OSBPL10: variants seen among roughly 807,000 people sequenced by gnomAD.
OSBPL10 encodes the protein oxysterol binding protein like 10.
In OSBPL10, 49 loss-of-function variants were observed where a neutral mutation model predicts 81.7. That is an observed-to-expected ratio of 0.60 (90% CI 0.48 to 0.76). The LOEUF is 0.76. Among genes scored for constraint, OSBPL10 ranks in the 30% least tolerant of loss-of-function variants. The pLI is 0.00. For synonymous variants in OSBPL10, 419 were observed against 383.6 expected (o/e 1.09, Z -1.08); for missense variants, 923 against 987.8 (o/e 0.93, Z 0.88).
chr3:32,041,260 A>G (rs1004105473), intron 2 of OSBPL10, among the ~76,000 whole-genome samples: 34 of 152,216 alleles, frequency 2.2e-4, no homozygotes, highest in Non-Finnish European at 4.3e-4. Context: ...AATGTCTCAA[A>G]AGGAAAAGTA....
Position 31,809,869 on chromosome 3 carries a change from C to CTTTTTTTTTTTTTTTT in OSBPL10, c.729+20155_729+20170dup, listed in dbSNP as rs34795137. ...AAATGTCAATGGGTGCCCCCTGACTCTTTTTTTTTTTTTTTTTTTGAGATG... is the reference window on the plus strand; with the variant it reads ...AAATGTCAATGGGTGCCCCCTGACTCTTTTTTTTTTTTTTTTTTTTTTTTTTTTTTTTTTTGAGATG... On this transcript the variant is annotated intron_variant, in intron 4 of 11. Coordinates refer to ENST00000396556, the MANE Select transcript of OSBPL10 (RefSeq NM_017784.5). 9.6e-4 allele frequency among the ~76,000 whole-genome samples: 95 copies of CTTTTTTTTTTTTTTTT among 98,614 alleles called. 5 individuals carry two copies. The highest frequency in any genetic ancestry group is 4.7e-3 in the African/African-American group (87 of 18,418). The allele number at this position is 98,614 out of a possible 152,430, so 64.7% of individuals were successfully genotyped here. A position where few individuals can be genotyped will look rare whatever the true frequency, so the allele number is the denominator to read the frequency against.
At chr3:31,986,111 T>A (rs975313696), upstream of OSBPL10, 6 of 152,238 alleles carry the variant, frequency 3.9e-5, no homozygotes, top group Non-Finnish European at 8.8e-5. Context: ...TTTCCTGTTA[T>A]ATTTTTATGC....
chr3:31,803,510 C>T (rs979738610), intron 4 of OSBPL10, among the ~76,000 whole-genome samples: 1 of 152,192 alleles, frequency 6.6e-6, no homozygotes, highest in African/African-American at 2.4e-5. Context: ...TTTGGACTTA[C>T]AGAGATGTTG....
At chr3:31,729,570 G>A (rs1430558994) in intron 6 of OSBPL10, among the ~76,000 whole-genome samples, 6 of 152,086 alleles carry the variant, frequency 3.9e-5, no homozygotes, top group South Asian at 2.1e-4. Context: ...ACAGGCGCAC[G>A]CCACCACGCC....
chr3:31,902,301 C>T (rs1696269395), intron 1 of OSBPL10, among the ~76,000 whole-genome samples: 1 of 139,874 alleles, frequency 7.1e-6, no homozygotes, highest in African/African-American at 2.7e-5. Flanking sequence ...CCCACTCTGT[C>T]GCCCAGGCTG....
At chr3:31,947,008 G>A (rs1024766881) in intron 1 of OSBPL10, among the ~76,000 whole-genome samples, 14 of 152,020 alleles carry the variant, frequency 9.2e-5, no homozygotes, top group South Asian at 2.1e-4. Context: ...CAAATGAGAC[G>A]AGCAGTTATC....
chr3:31,988,116 T>C (rs918357130), intron 2 of OSBPL10, among the ~76,000 whole-genome samples: 3 of 152,206 alleles, frequency 2.0e-5, no homozygotes, highest in African/African-American at 7.2e-5. Context: ...CACTGATCGC[T>C]TTGCACCTCC....
intron 5 of OSBPL10, among the ~76,000 whole-genome samples, chr3:31,747,387 T>C (rs530731305): frequency 6.6e-6 from 1 of 152,014 alleles, no homozygotes; most frequent in African/African-American, 2.4e-5. Flanking sequence ...CCCATAGGGT[T>C]TCTTTACTAT....
At chr3:32,041,978 T>C (rs1699580434) in intron 2 of OSBPL10, among the ~76,000 whole-genome samples, 1 of 152,062 alleles carries the variant, frequency 6.6e-6, no homozygotes, top group African/African-American at 2.4e-5. Flanking sequence ...GAAACTAGTG[T>C]AGAAAATACC....
Position 31,664,327 on chromosome 3 carries a change from G to A in OSBPL10, c.2097-95C>T, listed in dbSNP as rs569700297. On this transcript the variant is annotated intron_variant, in intron 10 of 11. Transcript: ENST00000396556. ...GGAGCAGCCAGAGCAGCGAGGGGCC[G>A]CCAGGCAAGCCCCCTCTGGGGTAGC... 5.2e-5 allele frequency: 68 copies of A among 1,300,844 alleles called. No homozygotes were observed. In the South Asian group the frequency reaches 7.1e-4, roughly 14 times the overall value. 80.6% of individuals were successfully genotyped at this position (1,300,844 alleles called of 1,614,324 possible). A position where few individuals can be genotyped will look rare whatever the true frequency, so the allele number is the denominator to read the frequency against.
intron 1 of OSBPL10, among the ~76,000 whole-genome samples, chr3:31,882,992 G>T (rs1320158172): frequency 4.6e-5 from 7 of 152,198 alleles, no homozygotes; most frequent in Non-Finnish European, 1.5e-5. Flanking sequence ...TAACTTCTGA[G>T]CAGCAAATGG....
At chr3:31,968,382 C>T (rs1353080528) in intron 1 of OSBPL10, among the ~76,000 whole-genome samples, 1 of 151,908 alleles carries the variant, frequency 6.6e-6, no homozygotes, top group Non-Finnish European at 1.5e-5. Flanking sequence ...ATACCAATAA[C>T]ACTACAATGC....
chr3:31,763,096 G>A (rs1158693243), intron 4 of OSBPL10, among the ~76,000 whole-genome samples: 1 of 152,150 alleles, frequency 6.6e-6, no homozygotes, highest in East Asian at 1.9e-4. Context: ...AAAATTCACA[G>A]AAAAGAAAAC....
At chr3:32,058,684 T>A (rs1699731437) in intron 1 of OSBPL10, among the ~76,000 whole-genome samples, 2 of 152,130 alleles carry the variant, frequency 1.3e-5, no homozygotes, top group Non-Finnish European at 2.9e-5. Context: ...TGTTGTTTTT[T>A]AAAGACAGAG....
At chr3:32,055,505 T>C (rs964456034) in intron 1 of OSBPL10, among the ~76,000 whole-genome samples, 2 of 152,216 alleles carry the variant, frequency 1.3e-5, no homozygotes, top group African/African-American at 4.8e-5. Context: ...TTTAACATTT[T>C]AGTAAAGTAT....
At chr3:31,757,429 G>T (rs898320916) in intron 4 of OSBPL10, among the ~76,000 whole-genome samples, 1 of 152,172 alleles carries the variant, frequency 6.6e-6, no homozygotes, top group Non-Finnish European at 1.5e-5. Flanking sequence ...GGGAGAAGAT[G>T]ATCATCTACA....
At chr3:32,047,884 A>C (rs2342362) in intron 1 of OSBPL10, among the ~76,000 whole-genome samples, 116,329 of 151,944 alleles carry the variant, frequency 0.77, 45,187 homozygotes, top group East Asian at 1. Flanking sequence ...CCAGGATGGT[A>C]TCAATCTCCT....
intron 1 of OSBPL10, among the ~76,000 whole-genome samples, chr3:31,895,255 C>T (rs1696020449): frequency 6.6e-6 from 1 of 151,436 alleles, no homozygotes; most frequent in South Asian, 2.1e-4. Context: ...CCTCAGCCTC[C>T]CGAGTAGCTG....
intron 5 of OSBPL10, among the ~76,000 whole-genome samples, chr3:31,744,755 T>C (rs2125691047): frequency 6.7e-6 from 1 of 148,394 alleles, no homozygotes; most frequent in South Asian, 2.2e-4. Context: ...CCCTGGGCCC[T>C]TAAAAATGCC....
Sources: allele counts gnomAD v4.1 joint callset (sites outside exome capture counted in the v4.1 genomes callset), GRCh38; gene constraint gnomAD v4.1.1; transcripts MANE v1.5; gene names NCBI Gene and HGNC (gene_info 2026-07-23, HGNC 2026-07-21).